Variants in NEDD4L observed in about 807,000 individuals in gnomAD.
The protein encoded by NEDD4L is NEDD4 like E3 ubiquitin protein ligase, also known as E3 ubiquitin-protein ligase NEDD4-like.
A neutral mutation model predicts 148.9 loss-of-function variants in NEDD4L; 54 were observed. The ratio of observed to expected loss-of-function variants is 0.36; its 90% confidence interval spans 0.29 to 0.45. NEDD4L has a LOEUF of 0.45. Ranked by LOEUF, NEDD4L falls within the 20% of genes least tolerant of loss-of-function variation. The probability of loss-of-function intolerance (pLI) is 1.00; values close to 1 mark genes in which losing one functional copy is unlikely to be tolerated. For synonymous variants in NEDD4L, 433 were observed against 440.7 expected, an observed-to-expected ratio of 0.98 and a Z score of 0.22; for missense variants, 856 against 1,233.8, an observed-to-expected ratio of 0.69 and a Z score of 4.59.
chr18:58,190,488 T>C (rs1226173977), intron 2 of NEDD4L, among the ~76,000 whole-genome samples: 1 of 152,216 alleles, frequency 6.6e-6, no homozygotes. Context: ...TATAATTTGA[T>C]CTCATCTTAG....
chr18:58,252,014 A>G lies in NEDD4L; in HGVS notation c.257A>G (p.Asn86Ser). 2 of 1,582,194 alleles carry G rather than the reference A, an allele frequency of 1.3e-6. No individual in the cohort carries two copies. Among genetic ancestry groups the G allele is most frequent in the Non-Finnish European group, 1.7e-6 (2 of 1,151,070 alleles). Residue 86 changes from asparagine to serine, a missense_variant, in exon 5 of 31, where the codon AAT (asparagine) becomes AGT (serine). Asn to Ser is a conservative substitution (Grantham distance 46). Coordinates refer to ENST00000400345, the MANE Select transcript of NEDD4L (RefSeq NM_001144967.3). ...EEFYFRVNPSNHRLLFEVFDE... is the reference protein window; with the variant it reads ...EEFYFRVNPSSHRLLFEVFDE... Reference sequence around the variant, plus strand: ...TGTTCCTTATAGGTAAACCCATCTAATCACAGACTCCTATTTGAAGTATTT... The same window carrying G: ...TGTTCCTTATAGGTAAACCCATCTAGTCACAGACTCCTATTTGAAGTATTT...
intron 2 of NEDD4L, among the ~76,000 whole-genome samples, chr18:58,180,466 A>G (rs539115968): frequency 3.9e-5 from 6 of 152,250 alleles, no homozygotes; most frequent in Non-Finnish European, 5.9e-5. Flanking sequence ...ACATCGGCCC[A>G]GGGGCGTTGA....
rs373989579 is a variant in NEDD4L, at chr18:58,323,214, C to A, written c.411-18C>A. ...AGTCACAACCCTTCTAACCAATTTT[C>A]TTCCATTATGTGTGCAGTCATAAGT... On this transcript the variant is annotated intron_variant, in intron 7 of 30. Coordinates refer to ENST00000400345, the MANE Select transcript of NEDD4L (RefSeq NM_001144967.3). 8 of 1,491,652 alleles carry A rather than the reference C, an allele frequency of 5.4e-6. No individual in the cohort carries two copies. Among genetic ancestry groups the A allele is most frequent in the Non-Finnish European group, 7.4e-6 (8 of 1,077,382 alleles). The allele number at this position is 1,491,652 out of a possible 1,614,324, so 92.4% of individuals were successfully genotyped here. A position where few individuals can be genotyped will look rare whatever the true frequency, so the allele number is the denominator to read the frequency against.
chr18:58,179,344 C>G (rs773572573), intron 2 of NEDD4L, among the ~76,000 whole-genome samples: 13 of 152,172 alleles, frequency 8.5e-5, no homozygotes, highest in Non-Finnish European at 1.9e-4. Context: ...AGAAACTGTT[C>G]TTTCTCTGGA....
intron 16 of NEDD4L, among the ~76,000 whole-genome samples, chr18:58,348,658 T>G (rs1013675518): frequency 5.9e-5 from 9 of 152,162 alleles, no homozygotes; most frequent in Admixed American, 3.9e-4. Flanking sequence ...AGTCAGCTCC[T>G]GGACTCTGGG....
At chr18:58,175,453 C>G (rs2038022414) in intron 2 of NEDD4L, among the ~76,000 whole-genome samples, 1 of 151,948 alleles carries the variant, frequency 6.6e-6, no homozygotes, top group Non-Finnish European at 1.5e-5. Context: ...CTCTTCCTCC[C>G]CCATTGAGGA....
chr18:58,251,648 A>G (rs528649395), intron 4 of NEDD4L, among the ~76,000 whole-genome samples: 1 of 152,320 alleles, frequency 6.6e-6, no homozygotes, highest in Non-Finnish European at 1.5e-5. Flanking sequence ...TGCTATCAGG[A>G]CTAAGAAATA....
intron 2 of NEDD4L, among the ~76,000 whole-genome samples, chr18:58,187,308 A>C (rs2039583835): frequency 6.6e-6 from 1 of 152,184 alleles, no homozygotes. Context: ...GGCTTTCTGC[A>C]CTTATTGCTC....
intron 6 of NEDD4L, among the ~76,000 whole-genome samples, chr18:58,320,271 C>G (rs1250553772): frequency 6.6e-6 from 1 of 152,226 alleles, no homozygotes; most frequent in African/African-American, 2.4e-5. Context: ...CTCTACCTCT[C>G]AAAGCCTTCC....
intron 1 of NEDD4L, among the ~76,000 whole-genome samples, chr18:58,128,621 C>T (rs539858027): frequency 2.0e-5 from 3 of 152,294 alleles, no homozygotes; most frequent in East Asian, 1.9e-4. Flanking sequence ...GTAGCAGGGA[C>T]GGATGCTGGA....
chr18:58,150,770 G>C (rs994639024), intron 1 of NEDD4L, among the ~76,000 whole-genome samples: 7 of 152,172 alleles, frequency 4.6e-5, no homozygotes, highest in Non-Finnish European at 1.0e-4. Context: ...TCCCAGCATG[G>C]CCCACACTTG....
chr18:58,345,747 A>T (rs760667544), intron 16 of NEDD4L, among the ~76,000 whole-genome samples: 8 of 151,324 alleles, frequency 5.3e-5, no homozygotes, highest in Non-Finnish European at 1.0e-4. Context: ...TTTAATTATT[A>T]TTTTTTTTGT....
intron 13 of NEDD4L, 40 bp from the exon 14 acceptor site, chr18:58,340,998 A>AT: frequency 6.3e-7 from 1 of 1,579,820 alleles, no homozygotes; most frequent in Non-Finnish European, 8.6e-7. Context: ...CAGAAAACAA[A>AT]TGCAAGGTAT....
chr18:58,151,241 C>T (rs891186417), intron 1 of NEDD4L, among the ~76,000 whole-genome samples: 4 of 152,208 alleles, frequency 2.6e-5, no homozygotes, highest in East Asian at 1.9e-4. Flanking sequence ...CTGCCACAGA[C>T]GGACCATGCA....
At chr18:58,342,587 C>T (rs1015147058) in intron 15 of NEDD4L, among the ~76,000 whole-genome samples, 4 of 152,122 alleles carry the variant, frequency 2.6e-5, no homozygotes, top group African/African-American at 9.7e-5. Context: ...ACTGTGAGCT[C>T]ATTAAGAGCA....
In NEDD4L at chr18:58,245,467, A is replaced by G. The variant is rs200025824; in HGVS notation, c.163A>G (p.Asn55Asp). 211 of 1,586,962 alleles carry G rather than the reference A, an allele frequency of 1.3e-4. No individual in the cohort carries two copies. Among genetic ancestry groups the G allele is most frequent in the Middle Eastern group, 3.3e-4 (2 of 6,018 alleles). Reference protein sequence around the residue: ...VKLSLYVADENRELALVQTKT... With the variant: ...VKLSLYVADEDRELALVQTKT... Reference sequence around the variant, plus strand: ...ACTTTCATTGTACGTAGCGGATGAGAATAGAGAACTTGCTTTGGTCCAGAC... The same window carrying G: ...ACTTTCATTGTACGTAGCGGATGAGGATAGAGAACTTGCTTTGGTCCAGAC... The change falls in exon 3 of 31, where the codon AAT (asparagine) becomes GAT (aspartate). Residue 55 changes from asparagine to aspartate, a missense_variant. Around this residue, in one of 4 missense-constraint regions of NEDD4L, gnomAD observed 193 missense variants for 244.2 expected, o/e 0.79. Coordinates refer to ENST00000400345, the MANE Select transcript of NEDD4L (RefSeq NM_001144967.3).
At chr18:58,090,386 T>A (rs2084008273) in intron 1 of NEDD4L, among the ~76,000 whole-genome samples, 1 of 152,230 alleles carries the variant, frequency 6.6e-6, no homozygotes, top group Non-Finnish European at 1.5e-5. Flanking sequence ...AACCTCCTTG[T>A]TTTCTTTGGT....
At chr18:58,154,660 G>C (rs753977815) in intron 1 of NEDD4L, among the ~76,000 whole-genome samples, 1 of 152,138 alleles carries the variant, frequency 6.6e-6, no homozygotes, top group Non-Finnish European at 1.5e-5. Flanking sequence ...GATGGCAGGC[G>C]CCTGTAATCC....
intron 5 of NEDD4L, chr18:58,255,929 C>T (rs551702746): frequency 4.1e-6 from 5 of 1,231,490 alleles, no homozygotes; most frequent in Admixed American, 4.2e-5. Flanking sequence ...CTCCCTGCAG[C>T]GCAAGGCCAC....
Sources: allele counts gnomAD v4.1 joint callset (sites outside exome capture counted in the v4.1 genomes callset), GRCh38; gene constraint gnomAD v4.1.1; regional missense constraint gnomAD v4.1.1; transcripts MANE v1.5; gene names NCBI Gene and HGNC (gene_info 2026-07-23, HGNC 2026-07-21).